The following VMP1 variants were observed in gnomAD, a reference collection of about 807,000 sequenced individuals.
The protein encoded by VMP1 is ectopic P-granules autophagy protein 3 homolog.
In VMP1, 11 loss-of-function variants were observed where a neutral mutation model predicts 56.0. The ratio of observed to expected loss-of-function variants is 0.20; its 90% CI spans 0.12 to 0.32. The LOEUF is 0.32. Among genes scored for constraint, VMP1 ranks in the 10% least tolerant of loss-of-function variants. The pLI is 1.00. For synonymous variants in VMP1, 149 were observed against 165.0 expected (o/e 0.90, Z 0.74); for missense variants, 296 against 490.3 (o/e 0.60, Z 3.74).
intron 7 of VMP1, among the ~76,000 whole-genome samples, chr17:59,806,524 T>A (rs1243585803): frequency 6.6e-6 from 1 of 151,926 alleles, no homozygotes; most frequent in East Asian, 1.9e-4. Context: ...GAGACCAGCC[T>A]GACAATATGA....
At chr17:59,738,102 G>A (rs553312111) in intron 4 of VMP1, among the ~76,000 whole-genome samples, 9 of 152,164 alleles carry the variant, frequency 5.9e-5, no homozygotes, top group South Asian at 2.1e-4. Context: ...AAGGTTTTCC[G>A]TCACAGCAGC....
chr17:59,767,095 G>A (rs906000193), intron 6 of VMP1, among the ~76,000 whole-genome samples: 2 of 151,608 alleles, frequency 1.3e-5, no homozygotes, highest in African/African-American at 4.8e-5. Context: ...AATAATTCAT[G>A]GGTTAAAGAT....
intron 9 of VMP1, among the ~76,000 whole-genome samples, chr17:59,812,201 T>G (rs755407547): frequency 6.6e-6 from 1 of 152,202 alleles, no homozygotes; most frequent in African/African-American, 2.4e-5. Context: ...ATTCACTAAT[T>G]CTTACTTTCT....
intron 9 of VMP1, among the ~76,000 whole-genome samples, chr17:59,815,689 T>TA (rs11325908): frequency 1.3e-5 from 2 of 150,458 alleles, no homozygotes; most frequent in African/African-American, 2.4e-5. Flanking sequence ...CCGTCTCTAC[T>TA]AAAAAAAATA....
At chr17:59,747,058 C>T (rs1050411277) in intron 5 of VMP1, among the ~76,000 whole-genome samples, 2 of 152,126 alleles carry the variant, frequency 1.3e-5, no homozygotes, top group Non-Finnish European at 2.9e-5. Flanking sequence ...AGCCAATATA[C>T]TGTTGTATTT....
intron 7 of VMP1, among the ~76,000 whole-genome samples, chr17:59,797,140 T>G (rs2037463868): frequency 7.0e-6 from 1 of 143,262 alleles, no homozygotes; most frequent in South Asian, 2.4e-4. Flanking sequence ...CAGACCAGCC[T>G]GGCCAGCATG....
chr17:59,831,203 G>T (rs2038795151), intron 10 of VMP1, among the ~76,000 whole-genome samples: 1 of 152,142 alleles, frequency 6.6e-6, no homozygotes, highest in African/African-American at 2.4e-5. Context: ...ACAGGGTCTT[G>T]CTCTTTCACC....
intron 1 of VMP1, among the ~76,000 whole-genome samples, chr17:59,712,246 T>G (rs2033961799): frequency 6.6e-6 from 1 of 152,236 alleles, no homozygotes; most frequent in South Asian, 2.1e-4. Context: ...ACTTAATTAT[T>G]GTTTGCTCAT....
At chr17:59,731,776 T>A (rs1439430353) in intron 2 of VMP1, among the ~76,000 whole-genome samples, 2 of 152,218 alleles carry the variant, frequency 1.3e-5, no homozygotes, top group Non-Finnish European at 2.9e-5. Context: ...GGTCAGTGTT[T>A]ATTTGGCTTT....
intron 6 of VMP1, among the ~76,000 whole-genome samples, chr17:59,773,028 C>T (rs2036490744): frequency 8.0e-6 from 1 of 124,830 alleles, no homozygotes. Context: ...GTGGTGCGAT[C>T]TCAGCTCCCT....
At chr17:59,708,427 A>G (rs971969303) in intron 1 of VMP1, among the ~76,000 whole-genome samples, 2 of 152,204 alleles carry the variant, frequency 1.3e-5, no homozygotes, top group Non-Finnish European at 2.9e-5. Context: ...TCCAGAAACC[A>G]TATGTGGCCC....
intron 7 of VMP1, among the ~76,000 whole-genome samples, chr17:59,794,891 C>T (rs2037379695): frequency 6.6e-6 from 1 of 151,834 alleles, no homozygotes; most frequent in South Asian, 2.1e-4. Context: ...GAACAATTTC[C>T]TCCTAAAGAA....
chr17:59,833,662 C>T (rs974675307), intron 10 of VMP1, among the ~76,000 whole-genome samples: 2 of 152,176 alleles, frequency 1.3e-5, no homozygotes, highest in Non-Finnish European at 2.9e-5. Context: ...GAATACACAT[C>T]ATATGATGTA....
At chr17:59,752,584 A>G (rs914833257) in intron 5 of VMP1, among the ~76,000 whole-genome samples, 3 of 152,228 alleles carry the variant, frequency 2.0e-5, no homozygotes, top group Non-Finnish European at 4.4e-5. Flanking sequence ...AGCTTTTTTG[A>G]AGGGAAAAGC....
chr17:59,771,146 G>A (rs1380752549), intron 6 of VMP1, among the ~76,000 whole-genome samples: 2 of 149,396 alleles, frequency 1.3e-5, no homozygotes, highest in African/African-American at 2.5e-5. Flanking sequence ...TAAAATATTA[G>A]TATCCCAGTT....
At chr17:59,742,488 A>G (rs2777897) in intron 5 of VMP1, among the ~76,000 whole-genome samples, 131,745 of 150,662 alleles carry the variant, frequency 0.87, 57,866 homozygotes, top group East Asian at 0.96. Flanking sequence ...CTGCACTTTA[A>G]CCTGGGAAAC....
chr17:59,733,742 AGATGGT>A (rs1338671755), intron 2 of VMP1, among the ~76,000 whole-genome samples: 6 of 152,142 alleles, frequency 3.9e-5, no homozygotes, highest in Admixed American at 2.0e-4. Context: ...TAATTTCAAT[AGATGGT>A]GACAATTAAT....
At chr17:59,736,034 G>C (rs777309764) in intron 3 of VMP1, among the ~76,000 whole-genome samples, 1 of 152,106 alleles carries the variant, frequency 6.6e-6, no homozygotes, top group Non-Finnish European at 1.5e-5. Flanking sequence ...ATTGTACTAA[G>C]AGTTTATAAA....
At chr17:59,832,756 G>A (rs2038855544) in intron 10 of VMP1, among the ~76,000 whole-genome samples, 1 of 135,722 alleles carries the variant, frequency 7.4e-6, no homozygotes, top group African/African-American at 2.8e-5. Context: ...ACCGTGCCTG[G>A]CAATATTTTT....
Sources: allele counts gnomAD v4.1 joint callset (sites outside exome capture counted in the v4.1 genomes callset), GRCh38; gene constraint gnomAD v4.1.1; transcripts MANE v1.5; gene names NCBI Gene and HGNC (gene_info 2026-07-23, HGNC 2026-07-21).